The following SWT1 variants were observed in gnomAD, a reference collection of about 807,000 sequenced individuals.
SWT1 encodes SWT1 RNA endoribonuclease homolog.
Under a neutral mutation model 107.3 loss-of-function variants are expected in SWT1, and 33 were observed. That is an observed-to-expected ratio of 0.31 (90% CI 0.23 to 0.41). The LOEUF (loss-of-function observed/expected upper bound fraction) is 0.41, where lower values mean the gene tolerates loss of function less well. Ranked by LOEUF, SWT1 falls within the 10% of genes least tolerant of loss-of-function variation. SWT1 has a pLI of 1.00. For missense variants in SWT1, 898 were observed against 1,028.9 expected (o/e 0.87, Z 1.74); for synonymous variants, 345 against 348.3 (o/e 0.99, Z 0.11).
chr1:185,183,275 TG>T (rs1285715494), intron 7 of SWT1, among the ~76,000 whole-genome samples: 1 of 152,118 alleles, frequency 6.6e-6, no homozygotes, highest in Non-Finnish European at 1.5e-5. Flanking sequence ...TTTCTTTTTT[TG>T]TTTGTTTGTG....
chr1:185,205,605 G>A (rs1256264641), intron 12 of SWT1, among the ~76,000 whole-genome samples: 1 of 152,222 alleles, frequency 6.6e-6, no homozygotes, highest in African/African-American at 2.4e-5. Context: ...CTGACCTCAA[G>A]TGATCCTTCT....
rs1558013317 is a variant in SWT1 at position 185,175,023 on chromosome 1, A to G, written c.876A>G (p.Thr292=). ...CTGAACATTTACTTTCAGATTTTAC[A>G]TATAAGCGGACTGTTCATGAGTGGA... ...QKTEHLLSDF[T]YKRTVHEWKR... is the part of the protein sequence containing the mutation. The change falls in exon 5 of 19, where the codon ACA becomes ACG. Residue 292 remains threonine, a synonymous_variant. Coordinates refer to ENST00000367500, the MANE Select transcript of SWT1 (RefSeq NM_017673.7). 5.6e-6 allele frequency: 9 copies of G among 1,613,652 alleles called. No homozygotes were observed. The highest frequency in any genetic ancestry group is 7.6e-6 in the Non-Finnish European group (9 of 1,179,894).
chr1:185,158,814 A>G (rs1195334344), intron 1 of SWT1, among the ~76,000 whole-genome samples: 1 of 152,214 alleles, frequency 6.6e-6, no homozygotes, highest in African/African-American at 2.4e-5. Context: ...GTAAACATTT[A>G]TTACTCCACA....
intron 5 of SWT1, among the ~76,000 whole-genome samples, chr1:185,179,175 A>G (rs1338086913): frequency 1.3e-5 from 2 of 152,160 alleles, no homozygotes; most frequent in African/African-American, 4.8e-5. Context: ...AGGCTGAGGC[A>G]GAAGAATCGC....
At chr1:185,281,292 T>C (rs3766715) in intron 18 of SWT1, 1 of 216,472 alleles carries the variant, frequency 4.6e-6, no homozygotes, top group East Asian at 1.2e-4. Context: ...TGGAAGAAGT[T>C]ACAGAAACAT....
intron 9 of SWT1, among the ~76,000 whole-genome samples, chr1:185,189,422 C>T (rs76893862): frequency 6.6e-6 from 1 of 152,170 alleles, no homozygotes; most frequent in Non-Finnish European, 1.5e-5. Context: ...ATATTTCTTT[C>T]TCCTGTATAC....
At chr1:185,258,671 C>T (rs1374404645) in intron 16 of SWT1, among the ~76,000 whole-genome samples, 2 of 152,098 alleles carry the variant, frequency 1.3e-5, no homozygotes, top group African/African-American at 4.8e-5. Context: ...AATGGGAAGT[C>T]TGCTGTCAAC....
Position 185,183,868 on chromosome 1 carries a change from A to G in SWT1, c.1139-375A>G, listed in dbSNP as rs78713621. On this transcript the variant is annotated intron_variant, in intron 7 of 18. Transcript: ENST00000367500. ...AGGACTTCTCTTAAGAATGCTCTCAAAAACATTCTCCATGGCTGGTTTTTC... is the reference window on the plus strand; with the variant it reads ...AGGACTTCTCTTAAGAATGCTCTCAGAAACATTCTCCATGGCTGGTTTTTC... Among the ~76,000 whole-genome samples, 895 of 152,300 alleles carry G rather than the reference A, an allele frequency of 5.9e-3. 36 individuals are homozygous for G. In the East Asian group the frequency reaches 0.095, roughly 16 times the overall value.
At chr1:185,276,463 C>G (rs1239375957) in intron 17 of SWT1, 141 bp from the exon 18 acceptor site, 3 of 465,574 alleles carry the variant, frequency 6.4e-6, no homozygotes, top group Non-Finnish European at 1.2e-5. Context: ...AGTCGTTGCA[C>G]TTCTTATTGT....
At chr1:185,275,702 T>C (rs75923739) in intron 17 of SWT1, among the ~76,000 whole-genome samples, 150 of 152,084 alleles carry the variant, frequency 9.9e-4, no homozygotes, top group Non-Finnish European at 2.1e-3. Context: ...CTGTATATTT[T>C]TAAACTTACA....
chr1:185,237,338 T>C (rs1660960531), intron 16 of SWT1, among the ~76,000 whole-genome samples: 1 of 152,156 alleles, frequency 6.6e-6, no homozygotes, highest in African/African-American at 2.4e-5. Flanking sequence ...AAAGAAAGTG[T>C]GGCACATATA....
chr1:185,250,007 A>G lies in SWT1; in HGVS notation c.2441+18299A>G, dbSNP rs76627122. On this transcript the variant is annotated intron_variant, in intron 16 of 18. Transcript: ENST00000367500. ...AATCCTGTAAAGCTGTTTGTTTTCT[A>G]TGAATCTTTATTGGGATTCACTGTG... is the stretch of plus-strand genomic sequence containing the variant. 5.5e-3 allele frequency among the ~76,000 whole-genome samples: 839 copies of G among 152,314 alleles called. 34 individuals carry two copies. In the East Asian group the frequency reaches 0.093, roughly 17 times the overall value.
chr1:185,198,938 ATTTTTTT>A (rs58426812), intron 10 of SWT1, among the ~76,000 whole-genome samples: 5 of 129,906 alleles, frequency 3.8e-5, no homozygotes, highest in Non-Finnish European at 6.7e-5. Context: ...GCTCGTTTAC[ATTTTTTT>A]TTTTTTTTTT....
chr1:185,280,993 C>G (rs993040259), intron 18 of SWT1: 5 of 387,496 alleles, frequency 1.3e-5, no homozygotes, highest in African/African-American at 2.1e-5. Context: ...TTGATATGTC[C>G]AAGAGTTTTC....
chr1:185,201,463 C>T (rs894498405), intron 10 of SWT1, among the ~76,000 whole-genome samples: 1 of 152,182 alleles, frequency 6.6e-6, no homozygotes, highest in African/African-American at 2.4e-5. Flanking sequence ...TGCACCGTTC[C>T]TCAGGGCACA....
intron 16 of SWT1, among the ~76,000 whole-genome samples, chr1:185,264,901 ATGTT>A (rs1199840037): frequency 6.6e-6 from 1 of 152,158 alleles, no homozygotes; most frequent in Non-Finnish European, 1.5e-5. Context: ...AATTGTATGT[ATGTT>A]TATGTCTAAC....
chr1:185,289,253 T>G (rs1665117247), intron 18 of SWT1, among the ~76,000 whole-genome samples: 1 of 152,250 alleles, frequency 6.6e-6, no homozygotes, highest in Non-Finnish European at 1.5e-5. Context: ...AGCACTTAGT[T>G]GCACAAATTC....
At chr1:185,243,222 C>T (rs976459670) in intron 16 of SWT1, among the ~76,000 whole-genome samples, 1 of 152,112 alleles carries the variant, frequency 6.6e-6, no homozygotes, top group African/African-American at 2.4e-5. Context: ...GATCCTCTCA[C>T]CTCAGCCTCT....
At position 185,174,644 on chromosome 1, in the gene SWT1, G is replaced by A; in HGVS notation, c.497G>A (p.Gly166Asp). Residue 166 changes from glycine to aspartate, a missense_variant, in exon 5 of 19, where the codon GGC (glycine) becomes GAC (aspartate). This residue lies in a region of SWT1 where 382 missense variants were observed against 362.4 expected (regional missense o/e 1.05). Transcript: ENST00000367500. ...IASDVKPKAE[G>D]QASENKWSHL... ...AGTGATGTGAAACCTAAAGCCGAAG[G>A]CCAGGCAAGTGAAAATAAATGGTCT... The A allele has an allele frequency of 6.2e-7, 1 of 1,613,608 alleles. No homozygotes were observed. Among genetic ancestry groups the A allele is most frequent in the Non-Finnish European group, 8.5e-7 (1 of 1,179,916 alleles).
Sources: allele counts gnomAD v4.1 joint callset (sites outside exome capture counted in the v4.1 genomes callset), GRCh38; gene constraint gnomAD v4.1.1; regional missense constraint gnomAD v4.1.1; transcripts MANE v1.5; gene names NCBI Gene and HGNC (gene_info 2026-07-23, HGNC 2026-07-21).